Variants in SH3GL2 observed in about 807,000 individuals in gnomAD.
The protein encoded by SH3GL2 is SH3 domain containing GRB2 like 2, endophilin A1, also known as endophilin-A1.
SH3GL2 carries 24 observed loss-of-function variants against 46.0 expected under a neutral mutation model. That is an observed-to-expected ratio of 0.52 (90% CI 0.38 to 0.73). The LOEUF (loss-of-function observed/expected upper bound fraction) is 0.73, where lower values mean the gene tolerates loss of function less well. Ranked by LOEUF, SH3GL2 falls within the 30% of genes least tolerant of loss-of-function variation. The pLI is 0.00. For synonymous variants in SH3GL2, 196 were observed against 147.1 expected, an observed-to-expected ratio of 1.33 and a Z score of -2.40; for missense variants, 413 against 424.2, an observed-to-expected ratio of 0.97 and a Z score of 0.23.
chr9:17,759,035 A>C (rs1325512881), intron 2 of SH3GL2, among the ~76,000 whole-genome samples: 1 of 152,006 alleles, frequency 6.6e-6, no homozygotes, highest in African/African-American at 2.4e-5. Flanking sequence ...GTGTCTGTTT[A>C]CACTACATGA....
intron 1 of SH3GL2, among the ~76,000 whole-genome samples, chr9:17,655,107 T>C (rs1028763829): frequency 3.3e-5 from 5 of 152,190 alleles, no homozygotes; most frequent in African/African-American, 9.7e-5. Context: ...CTAGAAATGC[T>C]TCAGACACCT....
intron 2 of SH3GL2, among the ~76,000 whole-genome samples, chr9:17,760,237 A>C (rs534117639): frequency 6.6e-6 from 1 of 152,322 alleles, no homozygotes; most frequent in African/African-American, 2.4e-5. Context: ...ATATCATTAT[A>C]ACTTCACAAG....
chr9:17,700,689 T>C (rs1164610231), intron 1 of SH3GL2, among the ~76,000 whole-genome samples: 3 of 152,200 alleles, frequency 2.0e-5, no homozygotes, highest in Admixed American at 1.3e-4. Context: ...TAACGTCTCC[T>C]AGAAGTTACA....
At chr9:17,679,779 T>G (rs1820719879) in intron 1 of SH3GL2, among the ~76,000 whole-genome samples, 1 of 152,152 alleles carries the variant, frequency 6.6e-6, no homozygotes, top group African/African-American at 2.4e-5. Flanking sequence ...GATAAATAGC[T>G]CTTATTATTT....
intron 1 of SH3GL2, among the ~76,000 whole-genome samples, chr9:17,650,001 A>T (rs1819917515): frequency 6.6e-6 from 1 of 152,226 alleles, no homozygotes; most frequent in South Asian, 2.1e-4. Context: ...AGCCTTCATA[A>T]CCACCAGCTT....
At chr9:17,768,485 A>T (rs1823382788) in intron 3 of SH3GL2, among the ~76,000 whole-genome samples, 1 of 152,096 alleles carries the variant, frequency 6.6e-6, no homozygotes, top group African/African-American at 2.4e-5. Flanking sequence ...TCACGTGAAT[A>T]GTCCCTAAAT....
chr9:17,648,432 G>C (rs1049380560), intron 1 of SH3GL2, among the ~76,000 whole-genome samples: 4 of 152,170 alleles, frequency 2.6e-5, no homozygotes, highest in African/African-American at 9.7e-5. Flanking sequence ...AAATCTTACA[G>C]ATCTTCAAGG....
At chr9:17,728,772 A>G (rs528853375) in intron 1 of SH3GL2, among the ~76,000 whole-genome samples, 3 of 152,250 alleles carry the variant, frequency 2.0e-5, no homozygotes, top group Non-Finnish European at 2.9e-5. Flanking sequence ...GATGGTTTCC[A>G]TCCTCATCCA....
Position 17,786,501 on chromosome 9 carries a change from A to G in SH3GL2, c.308A>G (p.Glu103Gly). ...GAGGCCATGCTCAAATTTGGAAGAG[A>G]GCTTGGAGATGATTGCAACTTTGGT... ...LAEAMLKFGRELGDDCNFGPA... is the reference protein window; with the variant it reads ...LAEAMLKFGRGLGDDCNFGPA... Residue 103 changes from glutamate (E) to glycine (G), a missense_variant, in exon 4 of 9, where the codon GAG becomes GGG. Glu to Gly is a moderately conservative substitution (Grantham distance 98, BLOSUM62 -2). This residue lies in a region of SH3GL2 where 160 missense variants were observed against 192.3 expected (regional missense o/e 0.83). Transcript: ENST00000380607. The G allele has an allele frequency of 6.2e-7, 1 of 1,613,392 alleles. No individual in the cohort carries two copies. The highest frequency in any genetic ancestry group is 1.1e-5 in the South Asian group (1 of 91,028).
At chr9:17,681,498 A>T (rs1376796550) in intron 1 of SH3GL2, among the ~76,000 whole-genome samples, 4 of 152,178 alleles carry the variant, frequency 2.6e-5, no homozygotes, top group Non-Finnish European at 4.4e-5. Context: ...CATGGGCTTA[A>T]TATGCAGAAC....
At chr9:17,632,204 C>T (rs1434331975) in intron 1 of SH3GL2, among the ~76,000 whole-genome samples, 1 of 151,814 alleles carries the variant, frequency 6.6e-6, no homozygotes, top group African/African-American at 2.4e-5. Flanking sequence ...ATCTTAGTAC[C>T]AAAAAAATAA....
chr9:17,655,258 G>A (rs904197459), intron 1 of SH3GL2, among the ~76,000 whole-genome samples: 2 of 152,128 alleles, frequency 1.3e-5, no homozygotes, highest in African/African-American at 2.4e-5. Flanking sequence ...AATTCATGTA[G>A]TACTTCCTTT....
In SH3GL2 at chr9:17,706,215, C is replaced by G. The variant is rs562714333; in HGVS notation, c.46-40851C>G. Among the ~76,000 whole-genome samples, 4 of 152,090 alleles carry G rather than the reference C, an allele frequency of 2.6e-5. No individual in the cohort carries two copies. In the East Asian group the frequency reaches 7.7e-4, roughly 29 times the overall value. ...AAGGCCACTAAGTAGGGCCTGAATC[C>G]CATGTCATGATCCCAGTGCCTTTTT... On this transcript the variant is annotated intron_variant, in intron 1 of 8. Coordinates refer to ENST00000380607, the MANE Select transcript of SH3GL2 (RefSeq NM_003026.5).
intron 1 of SH3GL2, among the ~76,000 whole-genome samples, chr9:17,675,473 G>T (rs1185152998): frequency 6.6e-6 from 1 of 152,152 alleles, no homozygotes; most frequent in African/African-American, 2.4e-5. Context: ...TGTAATATCA[G>T]TATCTGTCTG....
At chr9:17,678,551 A>C (rs139316801) in intron 1 of SH3GL2, among the ~76,000 whole-genome samples, 1 of 152,160 alleles carries the variant, frequency 6.6e-6, no homozygotes, top group East Asian at 1.9e-4. Context: ...AGATGAGTAG[A>C]TTGCAAAAAT....
intron 1 of SH3GL2, among the ~76,000 whole-genome samples, chr9:17,704,419 TC>T (rs1821416669): frequency 6.8e-6 from 1 of 146,964 alleles, no homozygotes. Flanking sequence ...ATGACATTCT[TC>T]ACAGAATTAG....
At chr9:17,744,884 T>G (rs1019150708) in intron 1 of SH3GL2, among the ~76,000 whole-genome samples, 3 of 152,126 alleles carry the variant, frequency 2.0e-5, no homozygotes, top group Non-Finnish European at 2.9e-5. Flanking sequence ...GGGCACAAGT[T>G]AAGTGAGAGG....
chr9:17,687,757 C>G (rs1054488116), intron 1 of SH3GL2, among the ~76,000 whole-genome samples: 3 of 152,026 alleles, frequency 2.0e-5, no homozygotes, highest in Non-Finnish European at 2.9e-5. Context: ...CTCTGATAAT[C>G]ATACTTGTTA....
intron 1 of SH3GL2, among the ~76,000 whole-genome samples, chr9:17,664,111 C>T (rs1820288011): frequency 6.6e-6 from 1 of 152,158 alleles, no homozygotes. Flanking sequence ...ACCCTCCTAG[C>T]ATTAATTCAG....
Sources: gnomAD v4.1 joint callset for allele counts (sites outside exome capture counted in the v4.1 genomes callset) on GRCh38, gnomAD v4.1.1 for gene constraint, gnomAD v4.1.1 regional missense constraint, MANE v1.5 for transcripts, NCBI Gene and HGNC (gene_info 2026-07-23, HGNC 2026-07-21) for gene names.